The following WDR70 variants were observed in gnomAD, a reference collection of about 807,000 sequenced individuals.
WDR70 encodes WD repeat-containing protein 70.
WDR70 carries 53 observed loss-of-function variants against 88.6 expected under a neutral mutation model. That is an observed-to-expected ratio of 0.60 (90% CI 0.48 to 0.75). WDR70 has a LOEUF of 0.75. Ranked by LOEUF, WDR70 falls within the 30% of genes least tolerant of loss-of-function variation. The pLI, the probability that WDR70 is intolerant of heterozygous loss-of-function variation, is 0.00. For synonymous variants in WDR70, 280 were observed against 270.0 expected (o/e 1.04, Z -0.36); for missense variants, 610 against 823.2 (o/e 0.74, Z 3.17).
intron 9 of WDR70, among the ~76,000 whole-genome samples, chr5:37,569,766 A>G (rs111292755): frequency 6.8e-4 from 103 of 152,332 alleles, no homozygotes; most frequent in African/African-American, 2.4e-3. Flanking sequence ...AGAAATTCTA[A>G]TGATAGGAAC....
At chr5:37,507,248 G>A (rs1029635099) in intron 8 of WDR70, among the ~76,000 whole-genome samples, 5 of 151,442 alleles carry the variant, frequency 3.3e-5, no homozygotes, top group Non-Finnish European at 4.4e-5. Flanking sequence ...CATTCTTTTT[G>A]TACATATTTA....
At chr5:37,533,044 C>T (rs1392946594) in intron 9 of WDR70, among the ~76,000 whole-genome samples, 1 of 152,156 alleles carries the variant, frequency 6.6e-6, no homozygotes, top group Admixed American at 6.5e-5. Context: ...CTGAGTCTAG[C>T]CGTCCAGTGG....
chr5:37,612,285 A>G lies in WDR70; in HGVS notation c.1092+7047A>G, dbSNP rs538310572. Reference sequence around the variant, plus strand: ...GACCTAATTCTGGGAATGTAGAAGAATATATATGTATATATTGACAGCTAA... The same window carrying G: ...GACCTAATTCTGGGAATGTAGAAGAGTATATATGTATATATTGACAGCTAA... On this transcript the variant is annotated intron_variant, in intron 10 of 17. Coordinates refer to ENST00000265107, the MANE Select transcript of WDR70 (RefSeq NM_018034.4). Among the ~76,000 whole-genome samples the G allele has an allele frequency of 2.0e-5, 3 of 152,248 alleles. No individual in the cohort carries two copies. The South Asian group carries it at 6.2e-4, about 32-fold the overall frequency.
intron 10 of WDR70, among the ~76,000 whole-genome samples, chr5:37,676,990 C>T (rs555459383): frequency 6.6e-6 from 1 of 152,214 alleles, no homozygotes; most frequent in African/African-American, 2.4e-5. Context: ...GGAATTTATC[C>T]ATTTCTTCTA....
intron 6 of WDR70, among the ~76,000 whole-genome samples, chr5:37,442,677 C>G (rs1036898003): frequency 6.6e-6 from 1 of 152,158 alleles, no homozygotes; most frequent in African/African-American, 2.4e-5. Context: ...TGATTAGTCA[C>G]TTAAAAATTC....
At chr5:37,447,291 A>G (rs922631347) in intron 7 of WDR70, among the ~76,000 whole-genome samples, 11 of 152,132 alleles carry the variant, frequency 7.2e-5, no homozygotes, top group African/African-American at 1.7e-4. Context: ...GGAAACAACT[A>G]GTGCTGGAGA....
intron 7 of WDR70, among the ~76,000 whole-genome samples, chr5:37,444,329 C>G (rs1353972060): frequency 2.7e-5 from 3 of 111,682 alleles, no homozygotes; most frequent in Non-Finnish European, 5.6e-5. Flanking sequence ...AATGAGCCAG[C>G]CTTTCTCTTT....
intron 7 of WDR70, among the ~76,000 whole-genome samples, chr5:37,472,920 G>A (rs985138293): frequency 2.0e-5 from 3 of 152,022 alleles, no homozygotes; most frequent in Non-Finnish European, 2.9e-5. Flanking sequence ...CTGCTGAGTC[G>A]TAGGATAGGT....
chr5:37,467,155 A>G (rs944835628), intron 7 of WDR70, among the ~76,000 whole-genome samples: 16 of 148,410 alleles, frequency 1.1e-4, no homozygotes, highest in Non-Finnish European at 1.8e-4. Context: ...TGAACCTGGG[A>G]GGCGGAGGTT....
At chr5:37,519,532 G>A (rs878859669) in intron 9 of WDR70, among the ~76,000 whole-genome samples, 8 of 146,436 alleles carry the variant, frequency 5.5e-5, no homozygotes, top group Admixed American at 4.1e-4. Context: ...CCTCCCAGAC[G>A]GGGCGGCGGG....
intron 8 of WDR70, among the ~76,000 whole-genome samples, chr5:37,481,610 T>C (rs1340094679): frequency 6.6e-6 from 1 of 152,000 alleles, no homozygotes; most frequent in African/African-American, 2.4e-5. Context: ...CAAAACCATT[T>C]TTTCCTTCTA....
chr5:37,684,125 G>C (rs1208070708), intron 10 of WDR70, among the ~76,000 whole-genome samples: 2 of 151,690 alleles, frequency 1.3e-5, no homozygotes, highest in African/African-American at 4.8e-5. Flanking sequence ...CTTCATTTTG[G>C]TCTATTCTGC....
chr5:37,669,006 G>A (rs1296916803), intron 10 of WDR70, among the ~76,000 whole-genome samples: 1 of 152,116 alleles, frequency 6.6e-6, no homozygotes, highest in Non-Finnish European at 1.5e-5. Flanking sequence ...CTCATTAATG[G>A]CATAGAGCAT....
chr5:37,676,863 T>C (rs377171869), intron 10 of WDR70, among the ~76,000 whole-genome samples: 1 of 152,156 alleles, frequency 6.6e-6, no homozygotes, highest in Admixed American at 6.5e-5. Context: ...CCATCTGGTC[T>C]TGGACTCTTT....
At chr5:37,463,202 G>A (rs1387529522) in intron 7 of WDR70, among the ~76,000 whole-genome samples, 2 of 152,142 alleles carry the variant, frequency 1.3e-5, no homozygotes, top group African/African-American at 4.8e-5. Flanking sequence ...AACCCAGGAG[G>A]TGGTGGTTGC....
At chr5:37,481,675 G>C (rs532800553) in intron 8 of WDR70, among the ~76,000 whole-genome samples, 85 of 152,254 alleles carry the variant, frequency 5.6e-4, no homozygotes, top group Middle Eastern at 6.8e-3. Context: ...ACATGCCCTG[G>C]AGACATTTGC....
chr5:37,401,072 C>T (rs1346789375), intron 5 of WDR70, among the ~76,000 whole-genome samples: 1 of 151,666 alleles, frequency 6.6e-6, no homozygotes, highest in Admixed American at 6.6e-5. Context: ...AATCAAAGCT[C>T]ACTACATCCT....
At chr5:37,473,765 C>T (rs942516904) in intron 7 of WDR70, among the ~76,000 whole-genome samples, 2 of 152,170 alleles carry the variant, frequency 1.3e-5, no homozygotes, top group Admixed American at 1.3e-4. Context: ...GTCTTGCCTT[C>T]CTGGAGTACA....
intron 10 of WDR70, among the ~76,000 whole-genome samples, chr5:37,683,595 A>G (rs577302848): frequency 2.0e-5 from 3 of 152,092 alleles, no homozygotes; most frequent in Non-Finnish European, 4.4e-5. Context: ...CTCCTTCACT[A>G]ATGAGGCCTA....
Sources: gnomAD v4.1 joint callset for allele counts (sites outside exome capture counted in the v4.1 genomes callset) on GRCh38, gnomAD v4.1.1 for gene constraint, MANE v1.5 for transcripts, NCBI Gene and HGNC (gene_info 2026-07-23, HGNC 2026-07-21) for gene names.